Variants in SPATA3 observed in about 807,000 individuals in gnomAD.
SPATA3 encodes spermatogenesis-associated protein 3.
A neutral mutation model predicts 5.7 loss-of-function variants in SPATA3; 6 were observed. That is an observed-to-expected ratio of 1.06 (90% CI 0.58 to 2.09). SPATA3 has a LOEUF of 2.09. Among genes scored for constraint, SPATA3 ranks in the 30% most tolerant of loss-of-function variants. The probability of loss-of-function intolerance (pLI) is 0.00; values close to 1 mark genes in which losing one functional copy is unlikely to be tolerated. For synonymous variants in SPATA3, 44 were observed against 48.4 expected, an observed-to-expected ratio of 0.91 and a Z score of 0.37; for missense variants, 155 against 130.4, an observed-to-expected ratio of 1.19 and a Z score of -0.92.
intron 2 of SPATA3, among the ~76,000 whole-genome samples, chr2:231,002,361 G>A (rs144180559): frequency 9.8e-5 from 15 of 152,296 alleles, no homozygotes; most frequent in African/African-American, 3.6e-4. Context: ...TTGTGAGGCT[G>A]GAAGAAGACA....
chr2:231,005,522 AC>A (rs1692581550), downstream of SPATA3, among the ~76,000 whole-genome samples: 1 of 135,060 alleles, frequency 7.4e-6, no homozygotes, highest in Non-Finnish European at 1.6e-5. Flanking sequence ...CACCATCACC[AC>A]CACCACCATC....
At chr2:230,997,636 C>T (rs1444936445) in intron 1 of SPATA3, among the ~76,000 whole-genome samples, 2 of 152,238 alleles carry the variant, frequency 1.3e-5, no homozygotes, top group Non-Finnish European at 2.9e-5. Context: ...TTCGGCTCAA[C>T]ATAAAAAACT....
downstream of SPATA3, among the ~76,000 whole-genome samples, chr2:231,005,448 T>C (rs1317167237): frequency 1.3e-3 from 33 of 26,064 alleles, no homozygotes; most frequent in African/African-American, 1.7e-3. Context: ...ATCACCACCA[T>C]CACCACCACC....
chr2:231,003,108 C>T (rs1214421647), downstream of SPATA3, among the ~76,000 whole-genome samples: 1 of 152,204 alleles, frequency 6.6e-6, no homozygotes, highest in African/African-American at 2.4e-5. Flanking sequence ...TTCTACCCAT[C>T]TCGGACCTTT....
downstream of SPATA3, chr2:231,002,797 T>A (rs1692403398): frequency 1.4e-6 from 2 of 1,475,848 alleles, no homozygotes; most frequent in African/African-American, 2.9e-5. Context: ...TGAATCCTTG[T>A]GAACAAGCCC....
chr2:231,003,426 G>C (rs1451788912), downstream of SPATA3, among the ~76,000 whole-genome samples: 1 of 152,122 alleles, frequency 6.6e-6, no homozygotes, highest in Non-Finnish European at 1.5e-5. Context: ...CAGGTTTATT[G>C]AGGAGGTGCT....
intron 6 of SPATA3, among the ~76,000 whole-genome samples, chr2:231,019,160 G>A (rs576685148): frequency 3.7e-4 from 56 of 150,930 alleles, no homozygotes; most frequent in Non-Finnish European, 6.8e-4. Flanking sequence ...TAGTAGAGAC[G>A]GGGTTTCACC....
At chr2:231,005,379 TCACCACCACCATCATCAC>T (rs1692561434), downstream of SPATA3, among the ~76,000 whole-genome samples, 1 of 41,588 alleles carries the variant, frequency 2.4e-5, no homozygotes, top group African/African-American at 8.8e-5. Flanking sequence ...ATCACCACCA[TCACCACCACCATCATCAC>T]CACCACCACC....
At chr2:231,012,062 A>G (rs1184145023), downstream of SPATA3, among the ~76,000 whole-genome samples, 1 of 152,238 alleles carries the variant, frequency 6.6e-6, no homozygotes. Context: ...TGAGGAGGAC[A>G]GAGGAGCTGG....
chr2:231,005,076 CCATCATCACCATCACCATCCTCAT>C, downstream of SPATA3, among the ~76,000 whole-genome samples: 1 of 88,340 alleles, frequency 1.1e-5, no homozygotes, highest in South Asian at 3.9e-4. Flanking sequence ...ATCACCACCA[CCATCATCACCATCACCATCCTCAT>C]CACCATCACC....
intron 6 of SPATA3, among the ~76,000 whole-genome samples, chr2:231,019,564 T>C (rs1046690597): frequency 1.3e-5 from 2 of 150,832 alleles, no homozygotes; most frequent in African/African-American, 4.9e-5. Context: ...GACCTCGTGA[T>C]TCACCCACCT....
At chr2:231,012,556 T>A (rs1692815683) in intron 4 of SPATA3, 1 of 152,254 alleles carries the variant, frequency 6.6e-6, no homozygotes, top group Non-Finnish European at 1.5e-5. Flanking sequence ...TAGTTGTTTT[T>A]TTCTAATGGG....
At chr2:231,013,450 C>T (rs541420517) in intron 5 of SPATA3, among the ~76,000 whole-genome samples, 4 of 152,106 alleles carry the variant, frequency 2.6e-5, no homozygotes, top group Admixed American at 1.3e-4. Flanking sequence ...TTTATCTACT[C>T]ACCTGTTAAT....
At chr2:231,005,328 TCATCAC>T (rs146252061), downstream of SPATA3, among the ~76,000 whole-genome samples, 13 of 17,032 alleles carry the variant, frequency 7.6e-4, no homozygotes, top group East Asian at 2.7e-3. Flanking sequence ...ATCATCACCA[TCATCAC>T]CATCACCATC....
intron 1 of SPATA3, among the ~76,000 whole-genome samples, chr2:230,998,767 C>G (rs1692231370): frequency 6.6e-6 from 1 of 152,212 alleles, no homozygotes; most frequent in Admixed American, 6.5e-5. Flanking sequence ...AATCCTCATA[C>G]ACTGTAGGCG....
downstream of SPATA3, among the ~76,000 whole-genome samples, chr2:231,006,201 GAAAA>G (rs34214730): frequency 1.9e-5 from 2 of 104,038 alleles, no homozygotes; most frequent in Non-Finnish European, 3.8e-5. Flanking sequence ...CCTGTCTCAA[GAAAA>G]AAAAAAAAAA....
downstream of SPATA3, among the ~76,000 whole-genome samples, chr2:231,008,083 G>T (rs1428445390): frequency 6.6e-6 from 1 of 152,180 alleles, no homozygotes; most frequent in African/African-American, 2.4e-5. Context: ...TAATGCAGTG[G>T]CCATTGAGGG....
downstream of SPATA3, among the ~76,000 whole-genome samples, chr2:231,005,274 CCATCACCATCAT>C (rs1692538160): frequency 1.9e-5 from 2 of 102,934 alleles, no homozygotes; most frequent in African/African-American, 7.5e-5. Flanking sequence ...ACCATCATCA[CCATCACCATCAT>C]CATCACCATC....
chr2:231,001,888 A>G (rs1692365592), intron 2 of SPATA3, among the ~76,000 whole-genome samples: 1 of 152,220 alleles, frequency 6.6e-6, no homozygotes, highest in Admixed American at 6.5e-5. Flanking sequence ...CAACAGGAAC[A>G]GGCTCCAACA....
Sources: gnomAD v4.1 joint callset for allele counts (sites outside exome capture counted in the v4.1 genomes callset) on GRCh38, gnomAD v4.1.1 for gene constraint, MANE v1.5 for transcripts, NCBI Gene and HGNC (gene_info 2026-07-23, HGNC 2026-07-21) for gene names.